The following PTPRD variants were observed in gnomAD, a reference collection of about 807,000 sequenced individuals.
PTPRD encodes protein tyrosine phosphatase receptor type D.
Under a neutral mutation model 214.5 loss-of-function variants are expected in PTPRD, and 34 were observed. That is an observed-to-expected ratio of 0.16 (90% CI 0.12 to 0.21). The LOEUF is 0.21. PTPRD is among the 10% of genes least tolerant of loss of function. PTPRD has a pLI of 1.00. For synonymous variants in PTPRD, 1,128 were observed against 845.7 expected, an observed-to-expected ratio of 1.33 and a Z score of -5.79; for missense variants, 2,545 against 2,398.7, an observed-to-expected ratio of 1.06 and a Z score of -1.27.
intron 11 of PTPRD, among the ~76,000 whole-genome samples, chr9:8,754,787 C>A (rs1053267634): frequency 3.3e-5 from 5 of 152,134 alleles, no homozygotes; most frequent in Non-Finnish European, 7.4e-5. Context: ...AAAGGGCAAT[C>A]TACAGAGTGG....
chr9:9,931,409 C>G (rs7028418), intron 5 of PTPRD, among the ~76,000 whole-genome samples: 23,198 of 152,184 alleles, frequency 0.15, 4,494 homozygotes, highest in African/African-American at 0.45. Flanking sequence ...CATTGCCTCA[C>G]TCCAGAAGTG....
At chr9:10,110,589 T>C (rs2098681962) in intron 3 of PTPRD, among the ~76,000 whole-genome samples, 1 of 151,428 alleles carries the variant, frequency 6.6e-6, no homozygotes, top group African/African-American at 2.4e-5. Flanking sequence ...TGAGATTGTT[T>C]CAAAATGGAG....
At chr9:9,910,492 G>A (rs544043632) in intron 5 of PTPRD, among the ~76,000 whole-genome samples, 4 of 151,958 alleles carry the variant, frequency 2.6e-5, no homozygotes, top group Non-Finnish European at 4.4e-5. Context: ...GAAAACATAC[G>A]TACTCCTCTT....
chr9:9,174,514 C>G (rs1219307964), intron 10 of PTPRD, among the ~76,000 whole-genome samples: 1 of 152,088 alleles, frequency 6.6e-6, no homozygotes, highest in Non-Finnish European at 1.5e-5. Flanking sequence ...TAAGGGTTTT[C>G]AGGAGCATAA....
In PTPRD at chr9:8,633,989, GAC is replaced by G. The variant is rs532151870; in HGVS notation, c.211-533_211-532del. Among the ~76,000 whole-genome samples the G allele has an allele frequency of 1.2e-3, 183 of 152,064 alleles. 1 individual carries two copies. The highest frequency in any genetic ancestry group is 4.3e-3 in the African/African-American group (177 of 41,490). On this transcript the variant is annotated intron_variant, in intron 13 of 45. Coordinates refer to ENST00000381196, the MANE Select transcript of PTPRD (RefSeq NM_002839.4). ...AATCTAGTACTTAGGCAGCCAACGA[GAC>G]AGCTTTCACAACCCAAAAGCCTGAT...
intron 9 of PTPRD, among the ~76,000 whole-genome samples, chr9:9,191,383 A>G (rs760596610): frequency 6.6e-5 from 10 of 152,120 alleles, no homozygotes; most frequent in Admixed American, 2.0e-4. Flanking sequence ...AAATGACCCC[A>G]GTCCTGGCTG....
intron 5 of PTPRD, among the ~76,000 whole-genome samples, chr9:9,898,052 A>G (rs760213273): frequency 2.0e-5 from 3 of 152,096 alleles, no homozygotes; most frequent in Non-Finnish European, 4.4e-5. Flanking sequence ...TCTCATCTAA[A>G]TTATGTAATA....
chr9:9,319,478 G>T (rs1185698839), intron 9 of PTPRD, among the ~76,000 whole-genome samples: 1 of 152,156 alleles, frequency 6.6e-6, no homozygotes, highest in Non-Finnish European at 1.5e-5. Context: ...GTGCCAAAGT[G>T]ACACAGCATT....
intron 10 of PTPRD, among the ~76,000 whole-genome samples, chr9:9,141,066 T>A (rs532237405): frequency 6.6e-6 from 1 of 151,926 alleles, no homozygotes; most frequent in Non-Finnish European, 1.5e-5. Flanking sequence ...CCACTTATAT[T>A]TTTTTCTCTG....
chr9:10,050,559 C>CAAAAAA (rs1164243746), intron 3 of PTPRD, among the ~76,000 whole-genome samples: 148 of 14,008 alleles, frequency 0.011, 24 homozygotes, highest in African/African-American at 0.012. Flanking sequence ...GAGTCTGTCT[C>CAAAAAA]AAAAAAAAAA....
chr9:8,782,427 A>C (rs2095754593), intron 11 of PTPRD, among the ~76,000 whole-genome samples: 1 of 152,128 alleles, frequency 6.6e-6, no homozygotes, highest in Admixed American at 6.6e-5. Flanking sequence ...CATGTTGTGC[A>C]ATACATCTCC....
rs1186190588 is a variant in PTPRD at position 10,208,817 on chromosome 9, TATTA to T, written c.-545+132142_-545+132145del. ...TAAATATAAAAATGAAACAGATGCT[TATTA>T]ATTAAGTGTGGGCAGGTAGATGACA... is the stretch of plus-strand genomic sequence containing the variant. On this transcript the variant is annotated intron_variant, in intron 3 of 45. Coordinates refer to ENST00000381196, the MANE Select transcript of PTPRD (RefSeq NM_002839.4). 2.1e-4 allele frequency among the ~76,000 whole-genome samples: 32 copies of T among 152,236 alleles called. 1 individual carries two copies. The highest frequency in any genetic ancestry group is 2.1e-4 in the South Asian group (1 of 4,826).
intron 12 of PTPRD, among the ~76,000 whole-genome samples, chr9:8,689,805 G>C (rs926796677): frequency 6.6e-6 from 1 of 152,048 alleles, no homozygotes; most frequent in Non-Finnish European, 1.5e-5. Context: ...ATACTTATTT[G>C]GATAGAATAT....
At chr9:9,309,394 T>C (rs2135390937) in intron 9 of PTPRD, among the ~76,000 whole-genome samples, 1 of 152,292 alleles carries the variant, frequency 6.6e-6, no homozygotes, top group African/African-American at 2.4e-5. Flanking sequence ...GCCAACATTA[T>C]GTGCTAGCAA....
At chr9:9,813,125 A>T (rs2047669901) in intron 5 of PTPRD, among the ~76,000 whole-genome samples, 1 of 152,124 alleles carries the variant, frequency 6.6e-6, no homozygotes, top group East Asian at 1.9e-4. Context: ...CAACATGCAA[A>T]AATGTATAAG....
At chr9:10,214,531 C>T (rs1257838151) in intron 3 of PTPRD, among the ~76,000 whole-genome samples, 1 of 151,434 alleles carries the variant, frequency 6.6e-6, no homozygotes, top group African/African-American at 2.4e-5. Context: ...CTGCCTCAGC[C>T]TCCCAAAGTG....
intron 12 of PTPRD, among the ~76,000 whole-genome samples, chr9:8,677,258 C>T (rs746070460): frequency 2.0e-5 from 3 of 152,036 alleles, no homozygotes; most frequent in Admixed American, 2.0e-4. Context: ...AGCAAAGACA[C>T]GGAATCAACC....
intron 9 of PTPRD, among the ~76,000 whole-genome samples, chr9:9,252,647 T>G (rs752482841): frequency 1.3e-5 from 2 of 151,956 alleles, no homozygotes; most frequent in African/African-American, 4.8e-5. Flanking sequence ...TGTCTGGCAA[T>G]TTATTTTTAT....
intron 9 of PTPRD, among the ~76,000 whole-genome samples, chr9:9,379,772 G>C (rs979522636): frequency 1.3e-5 from 2 of 151,786 alleles, no homozygotes; most frequent in African/African-American, 4.8e-5. Flanking sequence ...TCTACCTACT[G>C]TTTATTTCTG....
Sources: gnomAD v4.1 joint callset for allele counts (sites outside exome capture counted in the v4.1 genomes callset) on GRCh38, gnomAD v4.1.1 for gene constraint, MANE v1.5 for transcripts, NCBI Gene and HGNC (gene_info 2026-07-23, HGNC 2026-07-21) for gene names.